SIDT1: variants seen among roughly 807,000 people sequenced by gnomAD.
The protein encoded by SIDT1 is SID1 transmembrane family, member 1.
In SIDT1, 101 loss-of-function variants were observed where a neutral mutation model predicts 107.5. The ratio of observed to expected loss-of-function variants is 0.94; its 90% CI spans 0.80 to 1.11. SIDT1 has a LOEUF of 1.11. Among genes scored for constraint, SIDT1 ranks in the 50% least tolerant of loss-of-function variants. SIDT1 has a pLI of 0.00. For missense variants in SIDT1, 1,076 were observed against 1,058.2 expected (o/e 1.02, Z -0.23); for synonymous variants, 395 against 398.2 (o/e 0.99, Z 0.10).
chr3:113,617,711 A>G (rs1488853838), intron 20 of SIDT1, among the ~76,000 whole-genome samples: 1 of 152,178 alleles, frequency 6.6e-6, no homozygotes, highest in Non-Finnish European at 1.5e-5. Flanking sequence ...GAGGCAAGTA[A>G]TGTTTTCGTT....
At chr3:113,551,701 G>A (rs1215019197) in intron 1 of SIDT1, among the ~76,000 whole-genome samples, 1 of 152,118 alleles carries the variant, frequency 6.6e-6, no homozygotes. Flanking sequence ...CAGGCAAGCT[G>A]GGTTGATACT....
intron 1 of SIDT1, among the ~76,000 whole-genome samples, chr3:113,552,091 C>T (rs149424438): frequency 9.0e-4 from 137 of 152,196 alleles, no homozygotes; most frequent in Non-Finnish European, 1.5e-3. Flanking sequence ...TGACTCACAC[C>T]TATCTTAAAT....
chr3:113,632,362 C>T (rs1411819881), downstream of SIDT1, among the ~76,000 whole-genome samples: 1 of 152,104 alleles, frequency 6.6e-6, no homozygotes. Flanking sequence ...TAGGGTGCTA[C>T]AACATTACCA....
Position 113,622,337 on chromosome 3 carries a change from G to A in SIDT1, c.2091-1090G>A, listed in dbSNP as rs146345640. On this transcript the variant is annotated intron_variant, in intron 21 of 24. Transcript: ENST00000264852. ...AAATTAGCTGGGCGTGGTGGCATGC[G>A]TCTGTAATCCCAGCTACTCCAGAGG... Among the ~76,000 whole-genome samples, 667 of 151,712 alleles carry A rather than the reference G, an allele frequency of 4.4e-3. 7 individuals are homozygous for A. The highest frequency in any genetic ancestry group is 0.015 in the African/African-American group (632 of 41,336).
downstream of SIDT1, among the ~76,000 whole-genome samples, chr3:113,632,019 T>A (rs972359056): frequency 2.0e-5 from 3 of 152,220 alleles, no homozygotes; most frequent in Admixed American, 1.3e-4. Context: ...GTCCCTGTCA[T>A]CTAAGTTTTA....
Position 113,629,010 on chromosome 3 carries a change from G to A in SIDT1, c.*1302G>A, listed in dbSNP as rs1300770480. On this transcript the variant is annotated 3_prime_UTR_variant, in exon 25 of 25. Coordinates refer to ENST00000264852, the MANE Select transcript of SIDT1 (RefSeq NM_017699.3). ...TGACCAGGCCCCCTTGTTGCCTGGA[G>A]TATGACGTAATCAGAAAATAGACGT... 1 of 152,218 alleles carries A rather than the reference G, an allele frequency of 6.6e-6. No homozygotes were observed. Among genetic ancestry groups the A allele is most frequent in the East Asian group, 1.9e-4 (1 of 5,190 alleles). The allele number at this position is 152,218 out of a possible 1,614,324, so 9.4% of individuals were successfully genotyped here.
At chr3:113,611,300 T>A (rs1213482917) in intron 18 of SIDT1, among the ~76,000 whole-genome samples, 156 bp downstream of exon 18, 1 of 152,230 alleles carries the variant, frequency 6.6e-6, no homozygotes, top group African/African-American at 2.4e-5. Context: ...TGACACACTT[T>A]CATCATTGGC....
intron 6 of SIDT1, 90 bp from the exon 7 acceptor site, chr3:113,583,319 T>C: frequency 1.1e-6 from 1 of 910,110 alleles, no homozygotes; most frequent in Non-Finnish European, 1.7e-6. Context: ...TTCCTTCTCT[T>C]TCCTCTTTCT....
intron 17 of SIDT1, among the ~76,000 whole-genome samples, chr3:113,610,181 CT>C (rs530174426): frequency 6.6e-4 from 100 of 152,264 alleles, no homozygotes; most frequent in African/African-American, 2.3e-3. Flanking sequence ...CTGTATTTTG[CT>C]ATTATAGATA....
rs143413146 is a variant in SIDT1 at position 113,585,945 on chromosome 3, A to C, written c.1001+675A>C. ...CCATTCTTTGTGGCATTCTCTGTGA[A>C]ACAACTACAAAAGAATGGCAGGAGA... is the stretch of plus-strand genomic sequence containing the variant. On this transcript the variant is annotated intron_variant, in intron 9 of 24. Transcript: ENST00000264852. Among the ~76,000 whole-genome samples, 390 of 152,316 alleles carry C rather than the reference A, an allele frequency of 2.6e-3. 2 individuals carry two copies. Among genetic ancestry groups the C allele is most frequent in the African/African-American group, 9.1e-3 (377 of 41,558 alleles).
chr3:113,587,371 A>G (rs928729098), intron 9 of SIDT1, among the ~76,000 whole-genome samples: 37 of 152,234 alleles, frequency 2.4e-4, no homozygotes, highest in African/African-American at 8.4e-4. Context: ...TTTCAAATAC[A>G]AGTTAAAAAC....
chr3:113,573,903 T>C (rs1225325128), intron 3 of SIDT1, among the ~76,000 whole-genome samples: 3 of 152,228 alleles, frequency 2.0e-5, no homozygotes, highest in Non-Finnish European at 4.4e-5. Flanking sequence ...AGGTGACTCT[T>C]ACCCTTAGCA....
chr3:113,614,315 T>G lies in SIDT1; in HGVS notation c.1967-1785T>G, dbSNP rs73224645. Among the ~76,000 whole-genome samples the G allele has an allele frequency of 5.8e-3, 880 of 152,238 alleles. 4 individuals carry two copies. The highest frequency in any genetic ancestry group is 9.2e-3 in the Non-Finnish European group (624 of 68,010). ...CATCCACACAGGCCCGCCTCCCCAG[T>G]GTGGTGGGTCCCCAGGAGAGAGATT... On this transcript the variant is annotated intron_variant, in intron 19 of 24. Transcript: ENST00000264852.
intron 21 of SIDT1, among the ~76,000 whole-genome samples, chr3:113,620,456 T>C (rs1946393387): frequency 6.6e-6 from 1 of 152,116 alleles, no homozygotes; most frequent in African/African-American, 2.4e-5. Flanking sequence ...TGCTTTTATT[T>C]GTAGCTCCTA....
At chr3:113,617,451 C>G (rs573730471) in intron 20 of SIDT1, among the ~76,000 whole-genome samples, 3 of 152,300 alleles carry the variant, frequency 2.0e-5, no homozygotes, top group African/African-American at 7.2e-5. Flanking sequence ...GTGCTGCAGT[C>G]AGAACTAGTG....
At chr3:113,623,875 C>T (rs1197659863) in intron 23 of SIDT1, 142 bp downstream of exon 23, 3 of 628,870 alleles carry the variant, frequency 4.8e-6, no homozygotes, top group East Asian at 5.4e-5. Flanking sequence ...AATAGCCGCA[C>T]ACAAATGCAC....
chr3:113,564,144 C>G (rs1046324620), intron 1 of SIDT1, among the ~76,000 whole-genome samples: 1 of 152,162 alleles, frequency 6.6e-6, no homozygotes, highest in Non-Finnish European at 1.5e-5. Flanking sequence ...GACTGGGTAT[C>G]TCCATGTTGG....
At position 113,566,478 on chromosome 3, in the gene SIDT1, T is replaced by C. The variant is rs774440381; in HGVS notation, c.281T>C (p.Leu94Pro). Reference sequence around the variant, plus strand: ...TCTGAGAATCTCAACTACCCGGTCCTTGTTGTGGTTCGCCAGCAGAAAGAG... The same window carrying C: ...TCTGAGAATCTCAACTACCCGGTCCCTGTTGTGGTTCGCCAGCAGAAAGAG... ...SSSENLNYPV[L>P]VVVRQQKEVL... Residue 94 changes from leucine to proline, a missense_variant, in exon 2 of 25, where the codon CTT becomes CCT. Transcript: ENST00000264852. 1.2e-6 allele frequency: 2 copies of C among 1,614,150 alleles called. No individual in the cohort carries two copies. Among genetic ancestry groups the C allele is most frequent in the Non-Finnish European group, 1.7e-6 (2 of 1,180,026 alleles).
chr3:113,606,944 G>T, intron 14 of SIDT1, 97 bp from the exon 15 acceptor site: 1 of 765,478 alleles, frequency 1.3e-6, no homozygotes, highest in South Asian at 1.5e-5. Flanking sequence ...ACTAGTGACA[G>T]TGCATCTCCG....
Sources: gnomAD v4.1 joint callset for allele counts (sites outside exome capture counted in the v4.1 genomes callset) on GRCh38, gnomAD v4.1.1 for gene constraint, MANE v1.5 for transcripts, NCBI Gene and HGNC (gene_info 2026-07-23, HGNC 2026-07-21) for gene names.